The following KCNQ3 variants were observed in gnomAD, a reference collection of about 807,000 sequenced individuals.
KCNQ3 encodes the protein potassium voltage-gated channel subfamily KQT member 3.
In KCNQ3, 30 loss-of-function variants were observed where a neutral mutation model predicts 92.5. The observed-to-expected ratio is 0.32, with a 90% CI of 0.24 to 0.44. KCNQ3 has a LOEUF of 0.44. Among genes scored for constraint, KCNQ3 ranks in the 20% least tolerant of loss-of-function variants. KCNQ3 has a pLI of 1.00. For missense variants in KCNQ3, 913 were observed against 1,140.3 expected (o/e 0.80, Z 2.87); for synonymous variants, 450 against 468.8 (o/e 0.96, Z 0.52).
At chr8:132,286,613 T>G (rs985711988) in intron 1 of KCNQ3, among the ~76,000 whole-genome samples, 3 of 152,182 alleles carry the variant, frequency 2.0e-5, no homozygotes, top group African/African-American at 4.8e-5. Context: ...TAGAATGAAT[T>G]AAGACTTTTG....
intron 1 of KCNQ3, among the ~76,000 whole-genome samples, chr8:132,444,334 T>A (rs900084265): frequency 6.6e-6 from 1 of 152,138 alleles, no homozygotes; most frequent in Admixed American, 6.5e-5. Flanking sequence ...GCACTTTGAG[T>A]TCTGATTCTG....
At chr8:132,196,223 C>T (rs1827294149) in intron 1 of KCNQ3, among the ~76,000 whole-genome samples, 1 of 152,186 alleles carries the variant, frequency 6.6e-6, no homozygotes, top group Non-Finnish European at 1.5e-5. Flanking sequence ...AATGTCACCT[C>T]CTCTATTAAT....
At chr8:132,421,936 C>T (rs116335607) in intron 1 of KCNQ3, among the ~76,000 whole-genome samples, 2,091 of 152,234 alleles carry the variant, frequency 0.014, 49 homozygotes, top group African/African-American at 0.049. Flanking sequence ...ACAGGCTTTC[C>T]GTCTCCCTTC....
chr8:132,181,619 C>T (rs1269219174), intron 3 of KCNQ3, among the ~76,000 whole-genome samples: 1 of 152,184 alleles, frequency 6.6e-6, no homozygotes, highest in East Asian at 1.9e-4. Context: ...CCAAGCTCTG[C>T]AAAGCCCTCT....
intron 9 of KCNQ3, among the ~76,000 whole-genome samples, chr8:132,142,055 A>C (rs1825314915): frequency 6.6e-6 from 1 of 152,206 alleles, no homozygotes. Flanking sequence ...GTGGTATTCA[A>C]TCTGCCACCA....
intron 1 of KCNQ3, among the ~76,000 whole-genome samples, chr8:132,358,674 A>ACCAAGT (rs60936570): frequency 0.15 from 22,114 of 152,152 alleles, 2,170 homozygotes; most frequent in African/African-American, 0.27. Flanking sequence ...GATGGTCCCC[A>ACCAAGT]GCACTTCACG....
intron 1 of KCNQ3, among the ~76,000 whole-genome samples, chr8:132,287,799 G>T (rs919232395): frequency 1.3e-5 from 2 of 152,122 alleles, no homozygotes; most frequent in East Asian, 3.9e-4. Flanking sequence ...AATGAGATGG[G>T]TAATAACTGC....
At chr8:132,359,809 T>C (rs1819117179) in intron 1 of KCNQ3, among the ~76,000 whole-genome samples, 1 of 152,198 alleles carries the variant, frequency 6.6e-6, no homozygotes, top group Non-Finnish European at 1.5e-5. Flanking sequence ...GCCTGGCAGG[T>C]GAATAAGATC....
In KCNQ3 at chr8:132,125,351, A is replaced by G. The variant is rs867486156; in HGVS notation, c.*3911T>C. 14 of 152,120 alleles carry G rather than the reference A, an allele frequency of 9.2e-5. No individual in the cohort carries two copies. The highest frequency in any genetic ancestry group is 3.4e-4 in the African/African-American group (14 of 41,408). 9.4% of individuals were successfully genotyped at this position (152,120 alleles called of 1,614,324 possible). Reference sequence around the variant, plus strand: ...AGCTAGGAAGCATTTCTGTCTGTATAGAGTTGTTTGCAGGGATGAAATCAG... The same window carrying G: ...AGCTAGGAAGCATTTCTGTCTGTATGGAGTTGTTTGCAGGGATGAAATCAG... On this transcript the variant is annotated 3_prime_UTR_variant, in exon 15 of 15. Coordinates refer to ENST00000388996, the MANE Select transcript of KCNQ3 (RefSeq NM_004519.4).
rs1244704460 is a variant in KCNQ3 at position 132,481,070 on chromosome 8, A to AGCGCGCC, written c.-545_-539dup. ...CAGCCTGTCAGCAGCAGCAGCAGCG[A>AGCGCGCC]GCGCGCCGCGGGCCGAGAGCACGCC... On this transcript the variant is annotated 5_prime_UTR_variant, in exon 1 of 15. Transcript: ENST00000388996. 20 of 150,658 alleles carry AGCGCGCC rather than the reference A, an allele frequency of 1.3e-4. No homozygotes were observed. Among genetic ancestry groups the AGCGCGCC allele is most frequent in the African/African-American group, 4.9e-4 (20 of 40,818 alleles). The allele number at this position is 150,658 out of a possible 1,614,324, so 9.3% of individuals were successfully genotyped here.
intron 1 of KCNQ3, among the ~76,000 whole-genome samples, chr8:132,364,355 A>G (rs539521697): frequency 6.6e-6 from 1 of 152,348 alleles, no homozygotes; most frequent in African/African-American, 2.4e-5. Flanking sequence ...TATATAACAA[A>G]TAGCTTACTG....
chr8:132,166,011 T>C (rs143409505), intron 8 of KCNQ3, among the ~76,000 whole-genome samples: 326 of 152,336 alleles, frequency 2.1e-3, no homozygotes, highest in Middle Eastern at 6.8e-3. Flanking sequence ...ATCTTGACCC[T>C]GGTCGTAAAA....
At chr8:132,254,516 T>C (rs1371525287) in intron 1 of KCNQ3, among the ~76,000 whole-genome samples, 1 of 152,172 alleles carries the variant, frequency 6.6e-6, no homozygotes, top group Non-Finnish European at 1.5e-5. Context: ...CTCTTCAAGA[T>C]TGTGGATCTC....
At chr8:132,398,578 C>G (rs1292530356) in intron 1 of KCNQ3, among the ~76,000 whole-genome samples, 2 of 152,150 alleles carry the variant, frequency 1.3e-5, no homozygotes, top group African/African-American at 4.8e-5. Flanking sequence ...CTTGCATAAG[C>G]CTTTGCCCCT....
At chr8:132,302,684 G>C (rs1817257071) in intron 1 of KCNQ3, among the ~76,000 whole-genome samples, 2 of 152,190 alleles carry the variant, frequency 1.3e-5, no homozygotes, top group African/African-American at 4.8e-5. Context: ...AATGTTCTCT[G>C]GTCTTGAAAA....
intron 1 of KCNQ3, among the ~76,000 whole-genome samples, chr8:132,414,426 C>T (rs750740332): frequency 3.9e-5 from 6 of 152,210 alleles, no homozygotes; most frequent in Non-Finnish European, 7.3e-5. Flanking sequence ...ATGACTTGCT[C>T]GGAGCCCTCG....
rs939260316 is a variant in KCNQ3, at chr8:132,170,481, G to A, written c.1141-53C>T. On this transcript the variant is annotated intron_variant, in intron 7 of 14. Transcript: ENST00000388996. The stretch of plus-strand genomic sequence containing the variant: ...TGAGTGGGCACCACCTGAAACTTTC[G>A]CACAGACTCCCACACCAACAAAACA... 98 of 1,126,886 alleles carry A rather than the reference G, an allele frequency of 8.7e-5. 1 individual carries two copies. The East Asian group carries it at 2.0e-3, about 23-fold the overall frequency. The allele number at this position is 1,126,886 out of a possible 1,614,324, so 69.8% of individuals were successfully genotyped here. A position where few individuals can be genotyped will look rare whatever the true frequency, so the allele number is the denominator to read the frequency against.
chr8:132,244,006 C>T (rs1354390089), intron 1 of KCNQ3, among the ~76,000 whole-genome samples: 3 of 152,142 alleles, frequency 2.0e-5, no homozygotes, highest in Non-Finnish European at 4.4e-5. Context: ...AAAGCTAGTG[C>T]TTAGCAGAGA....
At chr8:132,213,061 C>A (rs895027733) in intron 1 of KCNQ3, among the ~76,000 whole-genome samples, 1 of 150,104 alleles carries the variant, frequency 6.7e-6, no homozygotes. Context: ...AAAACCAAGA[C>A]TTTTTTTTTT....
Sources: allele counts gnomAD v4.1 joint callset (sites outside exome capture counted in the v4.1 genomes callset), GRCh38; gene constraint gnomAD v4.1.1; transcripts MANE v1.5; gene names NCBI Gene and HGNC (gene_info 2026-07-23, HGNC 2026-07-21).